The following RERE variants were observed in gnomAD, a reference collection of about 807,000 sequenced individuals.
The protein encoded by RERE is arginine-glutamic acid dipeptide repeats protein.
Under a neutral mutation model 146.1 loss-of-function variants are expected in RERE, and 40 were observed. The observed-to-expected ratio is 0.27, with a 90% CI of 0.21 to 0.36. The LOEUF is 0.36. Ranked by LOEUF, RERE falls within the 10% of genes least tolerant of loss-of-function variation. RERE has a pLI of 1.00. For missense variants in RERE, 1,933 were observed against 2,138.7 expected (o/e 0.90, Z 1.90); for synonymous variants, 1,003 against 866.0 (o/e 1.16, Z -2.78).
chr1:8,469,886 C>T (rs557772107), intron 10 of RERE, among the ~76,000 whole-genome samples: 4 of 152,272 alleles, frequency 2.6e-5, no homozygotes, highest in African/African-American at 4.8e-5. Context: ...GCAGCCTGCA[C>T]AATGCCCCTC....
intron 1 of RERE, among the ~76,000 whole-genome samples, chr1:8,790,569 CATTTTCTAGGAAGAA>C (rs1368589629): frequency 6.6e-6 from 1 of 152,138 alleles, no homozygotes; most frequent in African/African-American, 2.4e-5. Flanking sequence ...TAAACTAAGC[CATTTTCTAGGAAGAA>C]AAAAGGTCAG....
At chr1:8,709,352 T>G (rs1639621592) in intron 1 of RERE, among the ~76,000 whole-genome samples, 1 of 151,834 alleles carries the variant, frequency 6.6e-6, no homozygotes, top group Non-Finnish European at 1.5e-5. Flanking sequence ...ACTCCTGAGC[T>G]CAAGCAATCC....
intron 2 of RERE, among the ~76,000 whole-genome samples, chr1:8,654,625 G>GTTTTTTTTTTTTTTTTTTTT (rs1457159066): frequency 6.8e-6 from 1 of 148,130 alleles, no homozygotes; most frequent in African/African-American, 2.5e-5. Context: ...AAAGGATCTT[G>GTTTTTTTTTTTTTTTTTTTT]TTTTGTTTTT....
intron 11 of RERE, among the ~76,000 whole-genome samples, chr1:8,449,451 G>A (rs1274039790): frequency 2.0e-5 from 3 of 152,130 alleles, no homozygotes; most frequent in African/African-American, 7.2e-5. Context: ...TATCAGCAAA[G>A]GTTTTAACAA....
intron 1 of RERE, among the ~76,000 whole-genome samples, chr1:8,762,282 T>C (rs1405327499): frequency 6.6e-6 from 1 of 152,160 alleles, no homozygotes; most frequent in Non-Finnish European, 1.5e-5. Context: ...ACAAGCGCCT[T>C]AGGAGAAGGT....
chr1:8,548,540 C>T (rs1377612379), intron 6 of RERE, among the ~76,000 whole-genome samples: 3 of 152,118 alleles, frequency 2.0e-5, no homozygotes, highest in Non-Finnish European at 4.4e-5. Context: ...AGTCAATAAA[C>T]GGGTTTCTCA....
chr1:8,630,980 C>G (rs867189302), intron 2 of RERE, among the ~76,000 whole-genome samples: 2 of 152,104 alleles, frequency 1.3e-5, no homozygotes, highest in African/African-American at 4.8e-5. Flanking sequence ...TATAGATTCC[C>G]AAGTAGTGCT....
intron 12 of RERE, among the ~76,000 whole-genome samples, chr1:8,383,736 G>A (rs370309898): frequency 6.6e-6 from 1 of 152,066 alleles, no homozygotes; most frequent in East Asian, 1.9e-4. Flanking sequence ...GCACGCACCT[G>A]TACTCCCAGC....
intron 11 of RERE, chr1:8,425,804 T>G (rs149643858): frequency 6.6e-6 from 1 of 152,400 alleles, no homozygotes; most frequent in East Asian, 1.9e-4. Context: ...TTCTTCCATT[T>G]ATTGTGATGC....
At chr1:8,489,163 G>A (rs1644943053) in intron 10 of RERE, among the ~76,000 whole-genome samples, 1 of 151,928 alleles carries the variant, frequency 6.6e-6, no homozygotes, top group East Asian at 1.9e-4. Context: ...GGGAAACATA[G>A]TGAGGCCCTG....
intron 7 of RERE, among the ~76,000 whole-genome samples, chr1:8,513,771 A>G (rs146489578): frequency 0.013 from 1,932 of 152,220 alleles, 30 homozygotes; most frequent in Non-Finnish European, 0.022. Flanking sequence ...CAAGAGCGAA[A>G]CTCTGTCTCA....
At chr1:8,422,633 G>A in intron 12 of RERE, 94 bp downstream of exon 12, 1 of 929,396 alleles carries the variant, frequency 1.1e-6, no homozygotes, top group South Asian at 1.3e-5. Context: ...GCACAGCGCA[G>A]GGTTAAAGGA....
At chr1:8,668,178 C>A (rs924008541) in intron 1 of RERE, among the ~76,000 whole-genome samples, 2 of 152,182 alleles carry the variant, frequency 1.3e-5, no homozygotes, top group Admixed American at 1.3e-4. Context: ...AACACCATTA[C>A]GAAAACTATA....
rs1029461392 is a variant in RERE, at chr1:8,535,043, G to A, written c.830+6171C>T. ...CACTTGAGCCCGGGAGGATCACTGA[G>A]GGGGGAGGGAGGATCACTTAATCTA... On this transcript the variant is annotated intron_variant, in intron 7 of 22. Coordinates refer to ENST00000400908, the MANE Select transcript of RERE (RefSeq NM_001042681.2). 4.6e-5 allele frequency among the ~76,000 whole-genome samples: 7 copies of A among 152,054 alleles called. No homozygotes were observed. In the East Asian group the frequency reaches 5.8e-4, roughly 13 times the overall value.
intron 1 of RERE, among the ~76,000 whole-genome samples, chr1:8,811,270 G>A (rs1641801866): frequency 6.6e-6 from 1 of 152,128 alleles, no homozygotes; most frequent in Non-Finnish European, 1.5e-5. Flanking sequence ...CTTCATCACT[G>A]TACTCCCTTG....
chr1:8,592,968 C>A (rs1646512970), intron 4 of RERE, among the ~76,000 whole-genome samples: 1 of 152,078 alleles, frequency 6.6e-6, no homozygotes, highest in Non-Finnish European at 1.5e-5. Context: ...CATGTTTTTC[C>A]ATCTGAGATA....
At chr1:8,559,183 G>A (rs1646042327) in intron 4 of RERE, among the ~76,000 whole-genome samples, 1 of 147,732 alleles carries the variant, frequency 6.8e-6, no homozygotes, top group Non-Finnish European at 1.5e-5. Context: ...AGGAGGCTGA[G>A]GCAGGAGAAT....
chr1:8,460,175 T>C (rs1198086696), intron 11 of RERE, among the ~76,000 whole-genome samples: 2 of 152,206 alleles, frequency 1.3e-5, no homozygotes, highest in Non-Finnish European at 2.9e-5. Flanking sequence ...CATTGTATTT[T>C]TGCCCCACTA....
At chr1:8,739,767 T>C (rs1265973673) in intron 1 of RERE, among the ~76,000 whole-genome samples, 1 of 151,960 alleles carries the variant, frequency 6.6e-6, no homozygotes, top group Non-Finnish European at 1.5e-5. Flanking sequence ...AGGTCCTACC[T>C]TCTAAGTATT....
Sources: gnomAD v4.1 joint callset for allele counts (sites outside exome capture counted in the v4.1 genomes callset) on GRCh38, gnomAD v4.1.1 for gene constraint, MANE v1.5 for transcripts, NCBI Gene and HGNC (gene_info 2026-07-23, HGNC 2026-07-21) for gene names.